The following ALDH1A2 variants were observed in gnomAD, a reference collection of about 807,000 sequenced individuals.
ALDH1A2 encodes aldehyde dehydrogenase 1 family member A2.
ALDH1A2 carries 27 observed loss-of-function variants against 60.3 expected under a neutral mutation model. The ratio of observed to expected loss-of-function variants is 0.45; its 90% CI spans 0.33 to 0.62. The LOEUF (loss-of-function observed/expected upper bound fraction) is 0.62. Among genes scored for constraint, ALDH1A2 ranks in the 20% least tolerant of loss-of-function variants. The pLI, the probability that ALDH1A2 is intolerant of heterozygous loss-of-function variation, is 0.02. For missense variants in ALDH1A2, 581 were observed against 643.8 expected, an observed-to-expected ratio of 0.90 and a Z score of 1.06; for synonymous variants, 289 against 232.4, an observed-to-expected ratio of 1.24 and a Z score of -2.21.
intron 1 of ALDH1A2, among the ~76,000 whole-genome samples, chr15:58,043,600 AC>A (rs1285168217): frequency 6.6e-6 from 1 of 152,026 alleles, no homozygotes; most frequent in Non-Finnish European, 1.5e-5. Flanking sequence ...ATATTTTAAC[AC>A]ACAATGAATA....
intron 1 of ALDH1A2, among the ~76,000 whole-genome samples, chr15:58,036,387 T>G (rs1350533791): frequency 6.6e-6 from 1 of 151,666 alleles, no homozygotes; most frequent in Non-Finnish European, 1.5e-5. Context: ...CAGCAACTTT[T>G]GGCAGCAACT....
At chr15:58,012,173 A>G (rs1307702614) in intron 3 of ALDH1A2, 2 of 152,188 alleles carry the variant, frequency 1.3e-5, no homozygotes, top group African/African-American at 4.8e-5. Flanking sequence ...ACAGAGAAGA[A>G]AAAGAAAGGC....
At chr15:58,007,610 C>T (rs139015810) in intron 4 of ALDH1A2, among the ~76,000 whole-genome samples, 12 of 151,988 alleles carry the variant, frequency 7.9e-5, no homozygotes, top group Admixed American at 3.9e-4. Flanking sequence ...AGATCACACA[C>T]AGAATCACAT....
intron 1 of ALDH1A2, among the ~76,000 whole-genome samples, chr15:58,048,207 G>C (rs1896681035): frequency 6.6e-6 from 1 of 152,002 alleles, no homozygotes; most frequent in Admixed American, 6.6e-5. Context: ...TTTTAAAACA[G>C]CTTTAAAATA....
chr15:57,959,812 T>C (rs1261923432), intron 12 of ALDH1A2, among the ~76,000 whole-genome samples: 1 of 152,184 alleles, frequency 6.6e-6, no homozygotes, highest in Non-Finnish European at 1.5e-5. Context: ...ATAGTTTTGC[T>C]TGGGAGCTTG....
intron 1 of ALDH1A2, among the ~76,000 whole-genome samples, chr15:58,016,081 T>C (rs980586335): frequency 4.6e-5 from 7 of 152,084 alleles, no homozygotes; most frequent in Non-Finnish European, 7.4e-5. Flanking sequence ...TTATTCACCA[T>C]GTGACTGAAT....
chr15:57,967,018 A>C (rs1893917958), intron 7 of ALDH1A2, among the ~76,000 whole-genome samples: 1 of 152,200 alleles, frequency 6.6e-6, no homozygotes, highest in South Asian at 2.1e-4. Flanking sequence ...ATTTTCCTGA[A>C]AATTAAATAT....
intron 1 of ALDH1A2, among the ~76,000 whole-genome samples, chr15:58,018,689 T>C (rs1363063888): frequency 1.3e-5 from 2 of 152,176 alleles, no homozygotes; most frequent in Non-Finnish European, 2.9e-5. Flanking sequence ...GTGCAGCTGA[T>C]ATGATATGCT....
Position 58,034,322 on chromosome 15 carries a change from C to A in ALDH1A2, c.118-20041G>T, listed in dbSNP as rs180954784. On this transcript the variant is annotated intron_variant, in intron 1 of 12. Transcript: ENST00000249750. ...GACTTTTGTAGATTAACATAGAATCCTGCAAATTTATAGTAATCCCGTCAG... is the reference window on the plus strand; with the variant it reads ...GACTTTTGTAGATTAACATAGAATCATGCAAATTTATAGTAATCCCGTCAG... Among the ~76,000 whole-genome samples the A allele has an allele frequency of 2.0e-5, 3 of 151,714 alleles. No individual in the cohort carries two copies. In the East Asian group the frequency reaches 5.8e-4, roughly 29 times the overall value.
chr15:57,992,651 C>T (rs1412970040), intron 7 of ALDH1A2, 54 bp downstream of exon 7: 2 of 1,513,636 alleles, frequency 1.3e-6, no homozygotes, highest in African/African-American at 1.4e-5. Flanking sequence ...TTTTTGTAAC[C>T]CCTCAACTCA....
At chr15:58,031,764 C>A (rs1461990811) in intron 1 of ALDH1A2, among the ~76,000 whole-genome samples, 1 of 152,130 alleles carries the variant, frequency 6.6e-6, no homozygotes, top group Non-Finnish European at 1.5e-5. Flanking sequence ...ATGCTCATCA[C>A]CACCGGTCAT....
intron 1 of ALDH1A2, among the ~76,000 whole-genome samples, chr15:58,053,541 C>T (rs957751979): frequency 6.6e-6 from 1 of 152,158 alleles, no homozygotes; most frequent in Non-Finnish European, 1.5e-5. Flanking sequence ...GCTAAGTGTA[C>T]TTTATGTACC....
At chr15:58,054,636 G>A (rs1896851953) in intron 1 of ALDH1A2, among the ~76,000 whole-genome samples, 1 of 152,052 alleles carries the variant, frequency 6.6e-6, no homozygotes, top group African/African-American at 2.4e-5. Context: ...ACAAAATGAT[G>A]GCCCACTGGG....
intron 7 of ALDH1A2, among the ~76,000 whole-genome samples, chr15:57,978,457 T>A (rs1004873750): frequency 4.6e-5 from 7 of 152,262 alleles, no homozygotes; most frequent in Non-Finnish European, 1.0e-4. Flanking sequence ...GTGGTTTTTG[T>A]CATTGGTTCC....
chr15:58,025,043 G>C (rs759021213), intron 1 of ALDH1A2, among the ~76,000 whole-genome samples: 3 of 151,932 alleles, frequency 2.0e-5, no homozygotes, highest in Non-Finnish European at 2.9e-5. Flanking sequence ...GTGCTAAGAG[G>C]AAATTTTATA....
chr15:58,022,526 C>T (rs1273466097), intron 1 of ALDH1A2, among the ~76,000 whole-genome samples: 13 of 152,186 alleles, frequency 8.5e-5, no homozygotes. Flanking sequence ...CTGCCACTAC[C>T]TCCGGGGGGA....
intron 7 of ALDH1A2, among the ~76,000 whole-genome samples, chr15:57,967,418 C>T (rs1054071071): frequency 1.3e-5 from 2 of 152,110 alleles, no homozygotes; most frequent in Admixed American, 6.6e-5. Flanking sequence ...CCTTTTCTTC[C>T]ACGTTCAATG....
chr15:58,034,908 T>A (rs1467634754), intron 1 of ALDH1A2, among the ~76,000 whole-genome samples: 1 of 151,738 alleles, frequency 6.6e-6, no homozygotes, highest in African/African-American at 2.4e-5. Context: ...TCTATGTTCA[T>A]GAGAGGTAAT....
intron 4 of ALDH1A2, among the ~76,000 whole-genome samples, chr15:57,997,225 T>C: frequency 6.6e-6 from 1 of 152,088 alleles, no homozygotes; most frequent in East Asian, 1.9e-4. Context: ...TAGCTTTGTA[T>C]GCAGATAACT....
Sources: allele counts gnomAD v4.1 joint callset (sites outside exome capture counted in the v4.1 genomes callset), GRCh38; gene constraint gnomAD v4.1.1; transcripts MANE v1.5; gene names NCBI Gene and HGNC (gene_info 2026-07-23, HGNC 2026-07-21).